The following CHD3 variants were observed in gnomAD, a reference collection of about 807,000 sequenced individuals.
CHD3 encodes ATP-dependent chromatin remodeler CHD3.
CHD3 carries 52 observed loss-of-function variants against 248.9 expected under a neutral mutation model. The ratio of observed to expected loss-of-function variants is 0.21; its 90% CI spans 0.17 to 0.26. The LOEUF (loss-of-function observed/expected upper bound fraction) is 0.26, where lower values mean the gene tolerates loss of function less well. CHD3 is among the 10% of genes least tolerant of loss of function. CHD3 has a pLI of 1.00. For missense variants in CHD3, 1,482 were observed against 2,605.8 expected (o/e 0.57, Z 9.39); for synonymous variants, 985 against 985.2 (o/e 1.00, Z 0.00).
At position 7,899,798 on chromosome 17, in the gene CHD3, C is replaced by A; in HGVS notation, c.2545-98C>A. On this transcript the variant is annotated intron_variant, in intron 15 of 39. Transcript: ENST00000330494. The surrounding 1 kb of genome is among the most constrained non-coding windows in gnomAD (Gnocchi z 6.8). ...CTGCTTGGAGAACAGAGTAATGGCT[C>A]CTGTTGGGAGCCACAGTCAGGACAA... 6.9e-7 allele frequency: 1 copy of A among 1,456,060 alleles called. No homozygotes were observed. Among genetic ancestry groups the A allele is most frequent in the Middle Eastern group, 2.5e-4 (1 of 3,972 alleles). The allele number at this position is 1,456,060 out of a possible 1,614,324, so 90.2% of individuals were successfully genotyped here. A position where few individuals can be genotyped will look rare whatever the true frequency, so the allele number is the denominator to read the frequency against.
chr17:7,905,597 A>G lies in CHD3; in HGVS notation c.4139-24A>G. The G allele has an allele frequency of 5.2e-6, 8 of 1,550,904 alleles. No homozygotes were observed. Among genetic ancestry groups the G allele is most frequent in the Non-Finnish European group, 7.0e-6 (8 of 1,144,458 alleles). ...GCTTAGAGGAGGTGGTGGCTCAGCT[A>G]ACTGATGTCATCCCCACCCTCAGGG... On this transcript the variant is annotated intron_variant, in intron 26 of 39. Coordinates refer to ENST00000330494, the MANE Select transcript of CHD3 (RefSeq NM_001005273.3). The surrounding 1 kb of genome is among the most constrained non-coding windows in gnomAD (Gnocchi z 5.8).
In CHD3 at chr17:7,902,742, C is replaced by T. The variant is rs770684156; in HGVS notation, c.3370+15C>T. On this transcript the variant is annotated intron_variant, in intron 21 of 39. Transcript: ENST00000330494. ...TCGGTTTAATGGTGAGGGAGATACA[C>T]TGGTCCCTGGTGGGTGTGGGAGGCC... The T allele has an allele frequency of 1.2e-6, 2 of 1,607,130 alleles. No individual in the cohort carries two copies. The highest frequency in any genetic ancestry group is 1.7e-5 in the Admixed American group (1 of 59,906).
Position 7,899,511 on chromosome 17 carries a change from A to G in CHD3, c.2512A>G (p.Ile838Val). The G allele has an allele frequency of 6.2e-7, 1 of 1,614,164 alleles. No homozygotes were observed. Among genetic ancestry groups the G allele is most frequent in the Non-Finnish European group, 8.5e-7 (1 of 1,180,004 alleles). ...ENEFSFEDNA[I>V]KGGKKAFKMK... ...TGAATTCTCCTTTGAGGACAATGCC[A>G]TCAAAGGGGGCAAGAAAGCTTTTAA... Residue 838 changes from isoleucine to valine, a missense_variant, in exon 15 of 40, where the codon ATC becomes GTC. Ile to Val is a conservative substitution (Grantham distance 29). Coordinates refer to ENST00000330494, the MANE Select transcript of CHD3 (RefSeq NM_001005273.3). This position sits in a 1 kb window ranked among gnomAD's most constrained non-coding sequence, Gnocchi z 6.8.
At chr17:7,888,432 T>C (rs1213114655), upstream of CHD3, among the ~76,000 whole-genome samples, 1 of 152,242 alleles carries the variant, frequency 6.6e-6, no homozygotes, top group Admixed American at 6.5e-5. Flanking sequence ...TTGCATCGGC[T>C]GCCTCTCTCT....
chr17:7,889,829 A>G lies in CHD3; in HGVS notation c.213+53A>G. 1.3e-6 allele frequency: 2 copies of G among 1,500,502 alleles called. No homozygotes were observed. Among genetic ancestry groups the G allele is most frequent in the Non-Finnish European group, 1.8e-6 (2 of 1,094,384 alleles). The allele number at this position is 1,500,502 out of a possible 1,614,324, so 92.9% of individuals were successfully genotyped here. ...GGCAAGGCTCAAGAGACCCATTCTC[A>G]GAGACCTACATTTTCTCTGGTCCTG... On this transcript the variant is annotated intron_variant, in intron 2 of 39. Transcript: ENST00000330494. This position sits in a 1 kb window ranked among gnomAD's most constrained non-coding sequence, Gnocchi z 4.5.
At chr17:7,886,873 C>T (rs1047570856), upstream of CHD3, among the ~76,000 whole-genome samples, 1 of 152,004 alleles carries the variant, frequency 6.6e-6, no homozygotes, top group African/African-American at 2.4e-5. This position sits in a 1 kb window ranked among gnomAD's most constrained non-coding sequence, Gnocchi z 4.2. Context: ...TGAAAGGATC[C>T]GAGGTTGAGA....
In CHD3 at chr17:7,911,209, C is replaced by A. The variant is rs143802807; in HGVS notation, c.5881+236C>A. On this transcript the variant is annotated intron_variant, in intron 39 of 39. Transcript: ENST00000330494. The surrounding 1 kb of genome is among the most constrained non-coding windows in gnomAD (Gnocchi z 5.4). ...GATCTGTGGCTTGGTGTCTTCTACC[C>A]GAGCCACCTCCCTCCGGGTTCCTTC... Among the ~76,000 whole-genome samples, 408 of 152,294 alleles carry A rather than the reference C, an allele frequency of 2.7e-3. 5 individuals carry two copies. The highest frequency in any genetic ancestry group is 7.5e-3 in the South Asian group (36 of 4,830).
chr17:7,896,990 T>C (rs1221395573), intron 10 of CHD3, 93 bp from the exon 11 acceptor site: 3 of 1,026,534 alleles, frequency 2.9e-6, no homozygotes, highest in Non-Finnish European at 4.5e-6. Context: ...TCCCTTTCCC[T>C]GTCCCATTCC....
chr17:7,903,948 G>C lies in CHD3; in HGVS notation c.3851G>C (p.Ser1284Thr), dbSNP rs150214574. The C allele has an allele frequency of 5.0e-6, 8 of 1,614,168 alleles. No homozygotes were observed. Among genetic ancestry groups the C allele is most frequent in the Non-Finnish European group, 6.8e-6 (8 of 1,180,024 alleles). ...GTGCAGAACATGAATGAGTATCTCA[G>C]CTCCTTCAAGGTGGCACAGTACGTC... ...TDVQNMNEYL[S>T]SFKVAQYVVR... The change falls in exon 24 of 40, where the codon AGC becomes ACC. Residue 1284 changes from serine (S) to threonine (T), a missense_variant. Ser to Thr is a moderately conservative substitution (Grantham distance 58, BLOSUM62 1). Transcript: ENST00000330494. The surrounding 1 kb of genome is among the most constrained non-coding windows in gnomAD (Gnocchi z 6.8).
chr17:7,895,304 T>C lies in CHD3; in HGVS notation c.1504-35T>C. On this transcript the variant is annotated intron_variant, in intron 9 of 39. Transcript: ENST00000330494. This position sits in a 1 kb window ranked among gnomAD's most constrained non-coding sequence, Gnocchi z 4.9. ...CTAACAATGGGTTCTTTCTGCCTCT[T>C]TCTTTCCTCCTCCTTGTACGTGTCC... 6.2e-7 allele frequency: 1 copy of C among 1,610,092 alleles called. No homozygotes were observed. The highest frequency in any genetic ancestry group is 8.5e-7 in the Non-Finnish European group (1 of 1,176,982).
In CHD3 at chr17:7,895,134, T is replaced by C; in HGVS notation, c.1487T>C (p.Leu496Pro). The change falls in exon 9 of 40, where the codon CTG becomes CCG. Residue 496 changes from leucine to proline, a missense_variant. Leu to Pro is a moderately conservative substitution (Grantham distance 98). Around this residue, in one of 20 missense-constraint regions of CHD3, gnomAD observed 138 missense variants for 241.1 expected, o/e 0.57. Transcript: ENST00000330494. This position sits in a 1 kb window ranked among gnomAD's most constrained non-coding sequence, Gnocchi z 4.9. ...PLPDIPNGEW[L>P]CPRCTCPVLK... ...CCTGACATTCCCAATGGTGAATGGC[T>C]GTGTCCCCGATGCACAGTGAGTGGA... 6.2e-7 allele frequency: 1 copy of C among 1,614,030 alleles called. No individual in the cohort carries two copies. The highest frequency in any genetic ancestry group is 8.5e-7 in the Non-Finnish European group (1 of 1,179,946).
rs940917968 is a variant in CHD3, at chr17:7,889,000, G to A, written c.-1G>A. On this transcript the variant is annotated 5_prime_UTR_variant, in exon 1 of 40. Coordinates refer to ENST00000330494, the MANE Select transcript of CHD3 (RefSeq NM_001005273.3). ...TAATTGTGGAGACTTTCTCCTGTGT[G>A]ATGAAGGCGGCAGACACTGTGATCC... is the stretch of plus-strand genomic sequence containing the variant. The A allele has an allele frequency of 2.1e-5, 34 of 1,614,108 alleles. No homozygotes were observed. Among genetic ancestry groups the A allele is most frequent in the Middle Eastern group, 1.6e-4 (1 of 6,084 alleles).
rs1258122847 is a variant in CHD3, at chr17:7,911,160, T to G, written c.5881+187T>G. Among the ~76,000 whole-genome samples the G allele has an allele frequency of 1.3e-5, 2 of 152,226 alleles. No homozygotes were observed. The highest frequency in any genetic ancestry group is 2.9e-5 in the Non-Finnish European group (2 of 68,032). On this transcript the variant is annotated intron_variant, in intron 39 of 39. Transcript: ENST00000330494. The surrounding 1 kb of genome is among the most constrained non-coding windows in gnomAD (Gnocchi z 5.4). The stretch of plus-strand genomic sequence containing the variant: ...TTTCTTAACCCCTCTTCAGTCCCCT[T>G]TATTAAAAACCAGAGTTTTAGTAGA...
At position 7,893,440 on chromosome 17, in the gene CHD3, G is replaced by T; in HGVS notation, c.664G>T (p.Glu222Ter). The change falls in exon 5 of 40, where the codon GAG becomes TAG. Residue 222 changes from glutamate (E) to a stop codon, truncating the protein, a stop_gained. Transcript: ENST00000330494. LOFTEE classifies it high-confidence loss of function. ...GGCAGCAGCAGCAGCAGCTGTAGCTGAGCAGGTGTCAGCTGCTGTCTCGTC... is the reference window on the plus strand; with the variant it reads ...GGCAGCAGCAGCAGCAGCTGTAGCTTAGCAGGTGTCAGCTGCTGTCTCGTC... Reference protein sequence around the residue: ...AAAAAAAAVAEQVSAAVSSAT... With the variant: ...AAAAAAAAVA The T allele has an allele frequency of 6.2e-7, 1 of 1,612,256 alleles. No homozygotes were observed. The highest frequency in any genetic ancestry group is 8.5e-7 in the Non-Finnish European group (1 of 1,179,078).
chr17:7,893,057 C>A (rs1969113999), intron 4 of CHD3, among the ~76,000 whole-genome samples: 1 of 152,170 alleles, frequency 6.6e-6, no homozygotes, highest in African/African-American at 2.4e-5. Flanking sequence ...AGGCATGAGC[C>A]ACCGTGCCTG....
Position 7,906,849 on chromosome 17 carries a change from C to A in CHD3, c.4504-20C>A, listed in dbSNP as rs763865150. The A allele has an allele frequency of 5.0e-6, 8 of 1,613,948 alleles. No homozygotes were observed. In the South Asian group the frequency reaches 7.7e-5, roughly 16 times the overall value. On this transcript the variant is annotated intron_variant, in intron 29 of 39. Coordinates refer to ENST00000330494, the MANE Select transcript of CHD3 (RefSeq NM_001005273.3). This position sits in a 1 kb window ranked among gnomAD's most constrained non-coding sequence, Gnocchi z 5.0. ...AAGCGCCTGGAGCTGACACCTAACC[C>A]TCCCACCCTGCCACCCCAGGTGCAG...
rs1970509254 is a variant in CHD3, at chr17:7,903,120, A to AG, written c.3495+61dup. 1 of 1,592,590 alleles carries AG rather than the reference A, an allele frequency of 6.3e-7. No individual in the cohort carries two copies. On this transcript the variant is annotated intron_variant, in intron 22 of 39. Transcript: ENST00000330494. This position sits in a 1 kb window ranked among gnomAD's most constrained non-coding sequence, Gnocchi z 6.8. ...TTAGCAAGGAGATGTGGGTTCATGG[A>AG]GGAGGGTGTCATGTTCCGGGGTCAG...
Position 7,906,237 on chromosome 17 carries a change from C to T in CHD3, c.4358+248C>T. The T allele has an allele frequency of 1.3e-6, 1 of 753,122 alleles. No homozygotes were observed. Among genetic ancestry groups the T allele is most frequent in the Non-Finnish European group, 2.4e-6 (1 of 415,006 alleles). 46.7% of individuals were successfully genotyped at this position (753,122 alleles called of 1,614,324 possible). A position where few individuals can be genotyped will look rare whatever the true frequency, so the allele number is the denominator to read the frequency against. Reference sequence around the variant, plus strand: ...GGGGCGTTGAAGCAAGGAGCCTCTCCTGGGCTGTCCTAGCCTCACATTTAC... The same window carrying T: ...GGGGCGTTGAAGCAAGGAGCCTCTCTTGGGCTGTCCTAGCCTCACATTTAC... On this transcript the variant is annotated intron_variant, in intron 28 of 39. Coordinates refer to ENST00000330494, the MANE Select transcript of CHD3 (RefSeq NM_001005273.3). The surrounding 1 kb of genome is among the most constrained non-coding windows in gnomAD (Gnocchi z 5.0).
rs367555302 is a variant in CHD3 at position 7,900,306 on chromosome 17, A to G, written c.2699A>G (p.Asn900Ser). 7.4e-6 allele frequency: 12 copies of G among 1,613,976 alleles called. No individual in the cohort carries two copies. Among genetic ancestry groups the G allele is most frequent in the African/African-American group, 4.0e-5 (3 of 74,878 alleles). ...NNQSKFFRVL[N>S]GYKIDHKLLL... Reference sequence around the variant, plus strand: ...ATCTTTTAGTTTTTCAGGGTTCTCAATGGTTACAAGATAGATCATAAGTTG... The same window carrying G: ...ATCTTTTAGTTTTTCAGGGTTCTCAGTGGTTACAAGATAGATCATAAGTTG... Residue 900 changes from asparagine to serine, a missense_variant, in exon 17 of 40, where the codon AAT becomes AGT. By Grantham distance (46) the Asn-to-Ser change is conservative (BLOSUM62 1). This residue lies in a region of CHD3 where 36 missense variants were observed against 189.3 expected (regional missense o/e 0.19). Transcript: ENST00000330494. The surrounding 1 kb of genome is among the most constrained non-coding windows in gnomAD (Gnocchi z 6.5).
Sources: allele counts gnomAD v4.1 joint callset (sites outside exome capture counted in the v4.1 genomes callset), GRCh38; gene constraint gnomAD v4.1.1; regional missense constraint gnomAD v4.1.1; non-coding constraint Gnocchi (gnomAD v3.1); transcripts MANE v1.5; gene names NCBI Gene and HGNC (gene_info 2026-07-23, HGNC 2026-07-21).